The following ATL1 variants were observed in gnomAD, a reference collection of about 807,000 sequenced individuals.
The protein encoded by ATL1 is atlastin GTPase 1.
Under a neutral mutation model 75.5 loss-of-function variants are expected in ATL1, and 31 were observed. That is an observed-to-expected ratio of 0.41 (90% confidence interval 0.31 to 0.55). The LOEUF (loss-of-function observed/expected upper bound fraction) is 0.55, where lower values mean the gene tolerates loss of function less well. Among genes scored for constraint, ATL1 ranks in the 20% least tolerant of loss-of-function variants. ATL1 has a pLI of 0.27. For synonymous variants in ATL1, 226 were observed against 233.3 expected (o/e 0.97, Z 0.28); for missense variants, 405 against 662.6 (o/e 0.61, Z 4.27).
At chr14:50,560,012 G>T (rs2038815137), upstream of ATL1, 5 of 567,284 alleles carry the variant, frequency 8.8e-6, no homozygotes, top group Non-Finnish European at 1.6e-5. Context: ...ACGGTCTGGG[G>T]GTGGACTGAG....
At chr14:50,556,208 G>T (rs535339342), upstream of ATL1, among the ~76,000 whole-genome samples, 1 of 152,130 alleles carries the variant, frequency 6.6e-6, no homozygotes, top group South Asian at 2.1e-4. Context: ...AACTTAGATT[G>T]TACAATTCAG....
At chr14:50,594,461 A>G (rs2039193356) in intron 5 of ATL1, among the ~76,000 whole-genome samples, 1 of 152,176 alleles carries the variant, frequency 6.6e-6, no homozygotes, top group African/African-American at 2.4e-5. Context: ...TTTTAGAAAA[A>G]GAGCCACATT....
At chr14:50,592,913 C>CA (rs1172812271) in intron 4 of ATL1, among the ~76,000 whole-genome samples, 949 of 85,358 alleles carry the variant, frequency 0.011, 9 homozygotes, top group African/African-American at 0.028. Flanking sequence ...ACTCCCGTCT[C>CA]AAAAAAAAAA....
At chr14:50,604,578 C>T (rs2039299839) in intron 6 of ATL1, among the ~76,000 whole-genome samples, 1 of 152,072 alleles carries the variant, frequency 6.6e-6, no homozygotes, top group South Asian at 2.1e-4. Context: ...AGTATTGTCT[C>T]TTTATACTTT....
At chr14:50,574,587 T>C (rs898858250) in intron 1 of ATL1, among the ~76,000 whole-genome samples, 1 of 152,180 alleles carries the variant, frequency 6.6e-6, no homozygotes, top group Non-Finnish European at 1.5e-5. Flanking sequence ...AACTGACTTT[T>C]TTCAGTGACT....
chr14:50,562,482 T>C (rs2038859738), intron 1 of ATL1, among the ~76,000 whole-genome samples: 2 of 152,284 alleles, frequency 1.3e-5, no homozygotes, highest in South Asian at 4.2e-4. Flanking sequence ...AATCAATAGA[T>C]CTGAAAGAGG....
intron 1 of ATL1, among the ~76,000 whole-genome samples, chr14:50,585,922 T>C (rs1169561385): frequency 6.6e-6 from 1 of 152,198 alleles, no homozygotes; most frequent in East Asian, 1.9e-4. Flanking sequence ...AGATGCTTTG[T>C]ATGATTGTTC....
At chr14:50,625,836 A>G (rs12587821) in intron 11 of ATL1, among the ~76,000 whole-genome samples, 74,756 of 150,770 alleles carry the variant, frequency 0.5, 19,489 homozygotes, top group East Asian at 0.74. Flanking sequence ...CGTGAACCCA[A>G]GAGGCAGAGT....
intron 11 of ATL1, among the ~76,000 whole-genome samples, chr14:50,627,199 T>C (rs570223899): frequency 2.6e-5 from 4 of 152,348 alleles, no homozygotes; most frequent in Non-Finnish European, 2.9e-5. Flanking sequence ...AGCAAAAAGA[T>C]TGATGTGCTG....
intron 7 of ATL1, 72 bp downstream of exon 7, chr14:50,613,423 A>G (rs191726581): frequency 1.7e-6 from 2 of 1,173,138 alleles, no homozygotes; most frequent in Admixed American, 3.6e-5. Context: ...CATTTGGTGA[A>G]TAGATACTCA....
At chr14:50,626,536 C>G (rs1045804897) in intron 11 of ATL1, among the ~76,000 whole-genome samples, 4 of 152,150 alleles carry the variant, frequency 2.6e-5, no homozygotes, top group African/African-American at 9.7e-5. Context: ...TATGGATAAG[C>G]AAAGACAGTG....
chr14:50,592,913 CAA>C (rs1172812271), intron 4 of ATL1, among the ~76,000 whole-genome samples: 62 of 85,396 alleles, frequency 7.3e-4, no homozygotes, highest in South Asian at 1.4e-3. Context: ...ACTCCCGTCT[CAA>C]AAAAAAAAAA....
At chr14:50,579,980 TA>T (rs1000271235) in intron 1 of ATL1, among the ~76,000 whole-genome samples, 32 of 152,352 alleles carry the variant, frequency 2.1e-4, no homozygotes, top group African/African-American at 7.5e-4. Flanking sequence ...TTTTTCTCAC[TA>T]AAAATAATTA....
chr14:50,561,961 A>C (rs1025488185), intron 1 of ATL1, among the ~76,000 whole-genome samples: 15 of 152,136 alleles, frequency 9.9e-5, no homozygotes, highest in Admixed American at 3.3e-4. Flanking sequence ...TGTTAACAGA[A>C]GCATGTGAAA....
intron 6 of ATL1, among the ~76,000 whole-genome samples, chr14:50,611,197 TG>T (rs2039362822): frequency 6.6e-6 from 1 of 152,140 alleles, no homozygotes; most frequent in Non-Finnish European, 1.5e-5. Context: ...CAAATCCTTC[TG>T]AAATCCACCT....
At chr14:50,562,884 T>C (rs1483761686) in intron 1 of ATL1, among the ~76,000 whole-genome samples, 1 of 152,214 alleles carries the variant, frequency 6.6e-6, no homozygotes, top group Non-Finnish European at 1.5e-5. Context: ...AATTCCATTT[T>C]ATTACCAGTA....
chr14:50,628,180 T>A lies in ATL1; in HGVS notation c.1269T>A (p.Ser423Arg). 6.2e-7 allele frequency: 1 copy of A among 1,613,822 alleles called. No homozygotes were observed. Among genetic ancestry groups the A allele is most frequent in the Non-Finnish European group, 8.5e-7 (1 of 1,179,954 alleles). ...FSRRYLQQLE[S>R]EIDELYIQYI... ...GGCGTTACCTGCAGCAGTTGGAGAGTGAAATAGATGAACTTTACATCCAAT... is the reference window on the plus strand; with the variant it reads ...GGCGTTACCTGCAGCAGTTGGAGAGAGAAATAGATGAACTTTACATCCAAT... Residue 423 changes from serine (S) to arginine (R), a missense_variant, in exon 12 of 14, where the codon AGT becomes AGA. Ser to Arg is a moderately radical substitution (Grantham distance 110). Transcript: ENST00000358385.
intron 1 of ATL1, among the ~76,000 whole-genome samples, chr14:50,578,304 T>C (rs1002919798): frequency 5.9e-5 from 9 of 152,162 alleles, no homozygotes; most frequent in African/African-American, 2.2e-4. Flanking sequence ...TCCTCTTCAT[T>C]AATTCCATGT....
At chr14:50,576,949 A>G (rs907333601) in intron 1 of ATL1, among the ~76,000 whole-genome samples, 1 of 141,496 alleles carries the variant, frequency 7.1e-6, no homozygotes, top group African/African-American at 3.2e-5. Context: ...CGAGTACATA[A>G]TATTTGTTCT....
Sources: allele counts gnomAD v4.1 joint callset (sites outside exome capture counted in the v4.1 genomes callset), GRCh38; gene constraint gnomAD v4.1.1; transcripts MANE v1.5; gene names NCBI Gene and HGNC (gene_info 2026-07-23, HGNC 2026-07-21).